CNBD1: variants seen among roughly 807,000 people sequenced by gnomAD.
CNBD1 encodes cyclic nucleotide-binding domain-containing protein 1.
A neutral mutation model predicts 54.4 loss-of-function variants in CNBD1; 71 were observed. The observed-to-expected ratio is 1.30, with a 90% CI of 1.08 to 1.59. CNBD1 has a LOEUF of 1.59. Among genes scored for constraint, CNBD1 ranks in the 40% most tolerant of loss-of-function variants. The probability of loss-of-function intolerance (pLI) is 0.00; values close to 1 mark genes in which losing one functional copy is unlikely to be tolerated. For missense variants in CNBD1, 659 were observed against 518.0 expected (o/e 1.27, Z -2.64); for synonymous variants, 182 against 170.7 (o/e 1.07, Z -0.51).
Position 87,286,527 on chromosome 8 carries a change from A to ATT in CNBD1, c.910-11_910-10dup, listed in dbSNP as rs1310992227. ...CTGTTATTAAAAATTTGATAATGAC[A>ATT]TTCTGTTTTAGGAAAAAATAAAACT... is the stretch of plus-strand genomic sequence containing the variant. On this transcript the variant is annotated splice_polypyrimidine_tract_variant and intron_variant, in intron 7 of 10. Transcript: ENST00000518476. The ATT allele has an allele frequency of 5.9e-6, 8 of 1,364,726 alleles. No individual in the cohort carries two copies. Among genetic ancestry groups the ATT allele is most frequent in the South Asian group, 1.3e-5 (1 of 76,442 alleles). 84.5% of individuals were successfully genotyped at this position (1,364,726 alleles called of 1,614,324 possible).
intron 4 of CNBD1, among the ~76,000 whole-genome samples, chr8:87,173,998 C>T (rs1200195607): frequency 3.3e-5 from 5 of 151,658 alleles, no homozygotes; most frequent in African/African-American, 4.8e-5. Flanking sequence ...CTCACTCTGT[C>T]ACCAGGCTGG....
At chr8:87,158,534 A>C (rs995084375) in intron 4 of CNBD1, among the ~76,000 whole-genome samples, 1 of 152,154 alleles carries the variant, frequency 6.6e-6, no homozygotes, top group Non-Finnish European at 1.5e-5. Flanking sequence ...ATTACTTTTG[A>C]ACTCTGTTCA....
chr8:87,206,600 C>T (rs1333298721), intron 5 of CNBD1, among the ~76,000 whole-genome samples: 1 of 152,064 alleles, frequency 6.6e-6, no homozygotes, highest in African/African-American at 2.4e-5. Context: ...GATTATTTGA[C>T]TAAGTCAGAT....
intron 8 of CNBD1, among the ~76,000 whole-genome samples, chr8:87,336,970 C>T (rs1025695009): frequency 2.8e-4 from 43 of 152,158 alleles, no homozygotes; most frequent in African/African-American, 7.9e-4. Context: ...AGGGCTGCTG[C>T]GGTTTGCTGG....
At chr8:87,049,867 G>A (rs2130622057) in intron 4 of CNBD1, among the ~76,000 whole-genome samples, 1 of 152,286 alleles carries the variant, frequency 6.6e-6, no homozygotes, top group South Asian at 2.1e-4. Flanking sequence ...GGTGGCCTCT[G>A]GCACCAGAAG....
At chr8:87,328,627 C>G (rs972562098) in intron 8 of CNBD1, among the ~76,000 whole-genome samples, 1 of 151,874 alleles carries the variant, frequency 6.6e-6, no homozygotes, top group African/African-American at 2.4e-5. Flanking sequence ...ATTATTTTGT[C>G]TGTTTATCTA....
At chr8:86,927,606 G>A (rs1336008347) in intron 3 of CNBD1, among the ~76,000 whole-genome samples, 8 of 152,126 alleles carry the variant, frequency 5.3e-5, no homozygotes. Flanking sequence ...AGTTAAGACA[G>A]TAAACATGGT....
chr8:87,237,163 T>A, intron 6 of CNBD1, 51 bp downstream of exon 6: 1 of 1,180,806 alleles, frequency 8.5e-7, no homozygotes, highest in Non-Finnish European at 1.2e-6. Flanking sequence ...AACGGGCTTT[T>A]GTAAAACTTT....
At chr8:87,385,652 A>C (rs572609392), downstream of CNBD1, among the ~76,000 whole-genome samples, 3 of 152,268 alleles carry the variant, frequency 2.0e-5, no homozygotes, top group East Asian at 5.8e-4. Flanking sequence ...ACCGCAGCAC[A>C]AGGAGGCCTA....
At chr8:87,385,038 T>A (rs10435533), downstream of CNBD1, among the ~76,000 whole-genome samples, 1 of 152,262 alleles carries the variant, frequency 6.6e-6, no homozygotes, top group East Asian at 1.9e-4. Flanking sequence ...TTTCAAATAA[T>A]CACTTGGGTT....
chr8:87,321,111 C>A lies in CNBD1; in HGVS notation c.1043-30574C>A, dbSNP rs188066313. ...TTTTGTCAATATCACTTAGTTTCCA[C>A]CACCTGGCCATTGTGAATAATGCTA... On this transcript the variant is annotated intron_variant, in intron 8 of 10. Transcript: ENST00000518476. Among the ~76,000 whole-genome samples, 9 of 146,324 alleles carry A rather than the reference C, an allele frequency of 6.2e-5. No homozygotes were observed. In the East Asian group the frequency reaches 1.8e-3, roughly 29 times the overall value.
At chr8:86,894,919 G>T (rs1352038865) in intron 2 of CNBD1, among the ~76,000 whole-genome samples, 1 of 152,140 alleles carries the variant, frequency 6.6e-6, no homozygotes, top group African/African-American at 2.4e-5. Flanking sequence ...AAGTCAAAGG[G>T]CATGAGACTC....
intron 8 of CNBD1, among the ~76,000 whole-genome samples, chr8:87,307,382 A>G (rs1482887059): frequency 6.6e-6 from 1 of 152,172 alleles, no homozygotes; most frequent in Non-Finnish European, 1.5e-5. Flanking sequence ...GAGTCAGGTT[A>G]TTTGGCAGAT....
intron 8 of CNBD1, among the ~76,000 whole-genome samples, chr8:87,349,801 G>T (rs928903810): frequency 6.6e-6 from 1 of 152,164 alleles, no homozygotes; most frequent in Non-Finnish European, 1.5e-5. Flanking sequence ...ACAATGATTC[G>T]AGTAGCCAGT....
chr8:86,870,511 C>G (rs539399090), intron 1 of CNBD1, among the ~76,000 whole-genome samples: 3 of 152,124 alleles, frequency 2.0e-5, no homozygotes, highest in African/African-American at 7.2e-5. Flanking sequence ...CGATAGTACT[C>G]TTAAGCGAAT....
At chr8:86,932,227 C>G (rs1809469615) in intron 3 of CNBD1, among the ~76,000 whole-genome samples, 1 of 152,130 alleles carries the variant, frequency 6.6e-6, no homozygotes, top group Admixed American at 6.5e-5. Context: ...ACATCTATAT[C>G]CCTATCAGGA....
At chr8:87,358,640 G>T (rs986700959) in intron 10 of CNBD1, among the ~76,000 whole-genome samples, 2 of 152,112 alleles carry the variant, frequency 1.3e-5, no homozygotes, top group African/African-American at 4.8e-5. Flanking sequence ...TAATGTGATT[G>T]TAGAGTACAC....
intron 4 of CNBD1, among the ~76,000 whole-genome samples, chr8:86,987,794 A>G (rs118047181): frequency 0.012 from 1,902 of 152,252 alleles, 14 homozygotes; most frequent in Middle Eastern, 0.027. Flanking sequence ...TGTGAATCAC[A>G]TTTATTGATT....
intron 4 of CNBD1, among the ~76,000 whole-genome samples, chr8:87,173,917 T>C (rs1264355298): frequency 6.6e-6 from 1 of 151,786 alleles, no homozygotes; most frequent in Non-Finnish European, 1.5e-5. Context: ...TGATTCTATC[T>C]TATAAATCTT....
Sources: gnomAD v4.1 joint callset for allele counts (sites outside exome capture counted in the v4.1 genomes callset) on GRCh38, gnomAD v4.1.1 for gene constraint, MANE v1.5 for transcripts, NCBI Gene and HGNC (gene_info 2026-07-23, HGNC 2026-07-21) for gene names.